Variants in ACOX1 observed in about 807,000 individuals in gnomAD.
The protein encoded by ACOX1 is peroxisomal acyl-coenzyme A oxidase 1.
In ACOX1, 41 loss-of-function variants were observed where a neutral mutation model predicts 75.5. The ratio of observed to expected loss-of-function variants is 0.54; its 90% CI spans 0.42 to 0.70. The LOEUF (loss-of-function observed/expected upper bound fraction) is 0.70, where lower values mean the gene tolerates loss of function less well. Among genes scored for constraint, ACOX1 ranks in the 30% least tolerant of loss-of-function variants. The probability of loss-of-function intolerance (pLI) is 0.00; values close to 1 mark genes in which losing one functional copy is unlikely to be tolerated. For synonymous variants in ACOX1, 303 were observed against 298.8 expected, an observed-to-expected ratio of 1.01 and a Z score of -0.15; for missense variants, 630 against 837.5, an observed-to-expected ratio of 0.75 and a Z score of 3.06.
At chr17:75,971,771 T>C (rs2065997750) in intron 2 of ACOX1, among the ~76,000 whole-genome samples, 1 of 151,204 alleles carries the variant, frequency 6.6e-6, no homozygotes. Context: ...AGGGCAAATA[T>C]ATATTTGTGA....
Position 75,948,860 on chromosome 17 carries a change from TTC to T in ACOX1, c.1728+355_1728+356del, listed in dbSNP as rs1282152549. On this transcript the variant is annotated intron_variant, in intron 12 of 13. Transcript: ENST00000293217. The stretch of plus-strand genomic sequence containing the variant: ...CCACTGTGCCTGGCTATTTTTCTTT[TTC>T]TTTTTTTTTTTTTTTGAGACAGAGT... Among the ~76,000 whole-genome samples the T allele has an allele frequency of 2.0e-5, 3 of 151,404 alleles. 1 individual carries two copies. The highest frequency in any genetic ancestry group is 4.9e-5 in the African/African-American group (2 of 41,150).
rs189363139 is a variant in ACOX1, at chr17:75,949,291, G to C, written c.1654C>G (p.Gln552Glu). 1.9e-6 allele frequency: 3 copies of C among 1,614,128 alleles called. No homozygotes were observed. The highest frequency in any genetic ancestry group is 2.7e-5 in the African/African-American group (2 of 75,062). ...AGACATAAACTCCTTAAGACAGCTTGAATGGCTTTATCTTGAATTTTGAGG... is the reference window on the plus strand; with the variant it reads ...AGACATAAACTCCTTAAGACAGCTTCAATGGCTTTATCTTGAATTTTGAGG... ...KLLKIQDKAI[Q>E]AVLRSLCLLY... The change falls in exon 12 of 14, where the codon CAA (glutamine) becomes GAA (glutamate). Residue 552 changes from glutamine to glutamate, a missense_variant. This residue lies in a region of ACOX1 where 240 missense variants were observed against 262.7 expected (regional missense o/e 0.91). Coordinates refer to ENST00000293217, the MANE Select transcript of ACOX1 (RefSeq NM_004035.7).
At chr17:75,948,219 T>C in intron 13 of ACOX1, 32 bp downstream of exon 13, 1 of 1,610,182 alleles carries the variant, frequency 6.2e-7, no homozygotes, top group Non-Finnish European at 8.5e-7. Context: ...AGTGAAGACT[T>C]TTAAAAAGGT....
At chr17:75,955,716 A>G in intron 5 of ACOX1, 35 bp from the exon 6 acceptor site, 1 of 1,611,806 alleles carries the variant, frequency 6.2e-7, no homozygotes, top group South Asian at 1.1e-5. Flanking sequence ...CGAGATGTTT[A>G]TGCTCTGGAA....
At position 75,943,443 on chromosome 17, in the gene ACOX1, CAGG is replaced by C. The variant is rs1293237813; in HGVS notation, c.*3302_*3304del. The stretch of plus-strand genomic sequence containing the variant: ...CCCAGCTTCTCAGAGGAGGCCAAAG[CAGG>C]AGGATCACTTGAGCCCAGGAGTTGG... On this transcript the variant is annotated 3_prime_UTR_variant, in exon 14 of 14. Coordinates refer to ENST00000293217, the MANE Select transcript of ACOX1 (RefSeq NM_004035.7). 2 of 152,132 alleles carry C rather than the reference CAGG, an allele frequency of 1.3e-5. No homozygotes were observed. Among genetic ancestry groups the C allele is most frequent in the Non-Finnish European group, 2.9e-5 (2 of 68,112 alleles). 9.4% of individuals were successfully genotyped at this position (152,132 alleles called of 1,614,324 possible).
chr17:75,973,060 C>A (rs1360377948), intron 2 of ACOX1, among the ~76,000 whole-genome samples: 1 of 152,112 alleles, frequency 6.6e-6, no homozygotes, highest in African/African-American at 2.4e-5. Flanking sequence ...TATTTAGGAA[C>A]AATTTAACAA....
At chr17:75,948,861 T>C (rs2065747073) in intron 12 of ACOX1, among the ~76,000 whole-genome samples, 2 of 150,676 alleles carry the variant, frequency 1.3e-5, no homozygotes, top group African/African-American at 4.9e-5. Context: ...TTTTTCTTTT[T>C]CTTTTTTTTT....
chr17:75,949,927 T>C lies in ACOX1; in HGVS notation c.1299-30A>G, dbSNP rs373168007. Reference sequence around the variant, plus strand: ...AAGTCACCAGTAAACATGCTTTTAGTAACTCTACTTTCTTTTGTTTCTTTT... The same window carrying C: ...AAGTCACCAGTAAACATGCTTTTAGCAACTCTACTTTCTTTTGTTTCTTTT... On this transcript the variant is annotated intron_variant, in intron 9 of 13. Coordinates refer to ENST00000293217, the MANE Select transcript of ACOX1 (RefSeq NM_004035.7). The C allele has an allele frequency of 6.8e-6, 11 of 1,611,926 alleles. No homozygotes were observed. The African/African-American group carries it at 1.3e-4, about 20-fold the overall frequency.
intron 2 of ACOX1, among the ~76,000 whole-genome samples, chr17:75,970,021 CT>C (rs1397301783): frequency 1.3e-5 from 2 of 151,726 alleles, no homozygotes; most frequent in Non-Finnish European, 2.9e-5. Context: ...CCTGTCTCTA[CT>C]AAAAATATAA....
At chr17:75,973,844 C>T (rs1275728646) in intron 2 of ACOX1, 4 of 1,566,766 alleles carry the variant, frequency 2.6e-6, no homozygotes, top group Non-Finnish European at 3.5e-6. Flanking sequence ...TCCTACAACC[C>T]CTTCTTGCCA....
At chr17:75,949,458 G>C (rs1192325576) in intron 11 of ACOX1, 37 bp downstream of exon 11, 2 of 1,611,338 alleles carry the variant, frequency 1.2e-6, no homozygotes, top group African/African-American at 1.3e-5. Flanking sequence ...GGGATGCTGA[G>C]GGCAGGGAAG....
intron 2 of ACOX1, among the ~76,000 whole-genome samples, chr17:75,969,125 C>T (rs2065969631): frequency 6.6e-6 from 1 of 152,024 alleles, no homozygotes; most frequent in African/African-American, 2.4e-5. Flanking sequence ...AGAGGTATTC[C>T]AGAAGTATGA....
chr17:75,968,415 G>A (rs1486923240), intron 2 of ACOX1, among the ~76,000 whole-genome samples: 1 of 105,542 alleles, frequency 9.5e-6, no homozygotes, highest in Admixed American at 9.3e-5. Flanking sequence ...CAGCCTGGGC[G>A]ACAGAGCGAG....
In ACOX1 at chr17:75,951,465, G is replaced by A; in HGVS notation, c.1057C>T (p.His353Tyr). The A allele has an allele frequency of 6.2e-7, 1 of 1,614,158 alleles. No individual in the cohort carries two copies. Among genetic ancestry groups the A allele is most frequent in the Non-Finnish European group, 8.5e-7 (1 of 1,180,040 alleles). ...FVGAYMKETY[H>Y]RINEGIGQGD... is the part of the protein sequence containing the mutation. Reference sequence around the variant, plus strand: ...TGACCAATGCCTTCGTTAATCCGGTGATAGGTCTCCTTCATGTATGCGCCC... The same window carrying A: ...TGACCAATGCCTTCGTTAATCCGGTAATAGGTCTCCTTCATGTATGCGCCC... The change falls in exon 8 of 14, where the codon CAC (histidine) becomes TAC (tyrosine). Residue 353 changes from histidine (H) to tyrosine (Y), a missense_variant. Around this residue, in one of 2 missense-constraint regions of ACOX1, gnomAD observed 390 missense variants for 574.9 expected, o/e 0.68. Transcript: ENST00000293217.
rs142292622 is a variant in ACOX1 at position 75,955,517 on chromosome 17, CTCAA to C, written c.774+45_774+48del. On this transcript the variant is annotated intron_variant, in intron 6 of 13. Coordinates refer to ENST00000293217, the MANE Select transcript of ACOX1 (RefSeq NM_004035.7). ...CTAACCCTATTGTGAGTAACAGCCA[CTCAA>C]CTCCACTGTTTGATGCCTCTGCTTT... 451 of 1,488,964 alleles carry C rather than the reference CTCAA, an allele frequency of 3.0e-4. No homozygotes were observed. In the African/African-American group the frequency reaches 5.7e-3, roughly 19 times the overall value. The allele number at this position is 1,488,964 out of a possible 1,614,324, so 92.2% of individuals were successfully genotyped here. A position where few individuals can be genotyped will look rare whatever the true frequency, so the allele number is the denominator to read the frequency against.
intron 2 of ACOX1, among the ~76,000 whole-genome samples, chr17:75,966,319 T>C (rs952192709): frequency 6.8e-5 from 10 of 147,382 alleles, no homozygotes; most frequent in African/African-American, 2.5e-4. Flanking sequence ...TAGCTGAGCA[T>C]GGTGGTGCAC....
chr17:75,947,662 C>T (rs1405038726), intron 13 of ACOX1, among the ~76,000 whole-genome samples: 1 of 150,916 alleles, frequency 6.6e-6, no homozygotes, highest in Non-Finnish European at 1.5e-5. Flanking sequence ...CTACGGAATT[C>T]TCTTTTTGTA....
intron 2 of ACOX1, among the ~76,000 whole-genome samples, chr17:75,963,703 A>C (rs1288444944): frequency 2.6e-5 from 4 of 152,154 alleles, no homozygotes; most frequent in African/African-American, 9.6e-5. Context: ...TCTAAAAAAA[A>C]AAAAAGACTG....
At chr17:75,973,588 G>A (rs1172507415) in intron 2 of ACOX1, 1 of 1,611,904 alleles carries the variant, frequency 6.2e-7, no homozygotes, top group South Asian at 1.1e-5. Flanking sequence ...CTGATGTCCT[G>A]AGGTGGGTTA....
Sources: gnomAD v4.1 joint callset for allele counts (sites outside exome capture counted in the v4.1 genomes callset) on GRCh38, gnomAD v4.1.1 for gene constraint, gnomAD v4.1.1 regional missense constraint, MANE v1.5 for transcripts, NCBI Gene and HGNC (gene_info 2026-07-23, HGNC 2026-07-21) for gene names.